The following TIAM1 variants were observed in gnomAD, a reference collection of about 807,000 sequenced individuals.
The protein encoded by TIAM1 is TIAM Rac1 associated GEF 1, also known as rho guanine nucleotide exchange factor TIAM1.
A neutral mutation model predicts 163.5 loss-of-function variants in TIAM1; 65 were observed. The ratio of observed to expected loss-of-function variants is 0.40; its 90% CI spans 0.33 to 0.49. TIAM1 has a LOEUF of 0.49. Ranked by LOEUF, TIAM1 falls within the 20% of genes least tolerant of loss-of-function variation. The pLI is 0.77. For missense variants in TIAM1, 1,789 were observed against 2,044.7 expected (o/e 0.87, Z 2.41); for synonymous variants, 833 against 810.1 (o/e 1.03, Z -0.48).
At chr21:31,499,930 G>C (rs1393077761) in intron 1 of TIAM1, among the ~76,000 whole-genome samples, 1 of 151,992 alleles carries the variant, frequency 6.6e-6, no homozygotes, top group Non-Finnish European at 1.5e-5. Flanking sequence ...CACTTTGGGA[G>C]GTCAAGGCGG....
intron 1 of TIAM1, among the ~76,000 whole-genome samples, chr21:31,482,060 A>AGT (rs10523425): frequency 0.074 from 10,728 of 145,598 alleles, 480 homozygotes; most frequent in Middle Eastern, 0.13. Flanking sequence ...ACTGGGACAA[A>AGT]GTGTGTGTGT....
intron 1 of TIAM1, among the ~76,000 whole-genome samples, chr21:31,536,172 C>T (rs2048128590): frequency 6.6e-6 from 1 of 152,190 alleles, no homozygotes; most frequent in Non-Finnish European, 1.5e-5. Flanking sequence ...TCGGCTCATT[C>T]ACTCCTCACA....
Position 31,266,907 on chromosome 21 carries a change from C to T in TIAM1, c.66G>A (p.Gly22=). The change falls in exon 4 of 28, where the codon GGG becomes GGA. Residue 22 remains glycine (G), a synonymous_variant. Transcript: ENST00000541036. The part of the protein sequence containing the change: ...EFYGEKHASL[G]RKHTSRSLRL... ...GCAGGGAGCGGGAAGTGTGCTTGCG[C>T]CCCAGGCTGGCATGCTTTTCTCCAT... The T allele has an allele frequency of 6.2e-7, 1 of 1,612,408 alleles. No individual in the cohort carries two copies. Among genetic ancestry groups the T allele is most frequent in the Non-Finnish European group, 8.5e-7 (1 of 1,178,768 alleles).
rs1448740598 is a variant in TIAM1 at position 31,181,786 on chromosome 21, T to C, written c.2887+635A>G. Among the ~76,000 whole-genome samples, 115 of 83,990 alleles carry C rather than the reference T, an allele frequency of 1.4e-3. 3 individuals carry two copies. Among genetic ancestry groups the C allele is most frequent in the Non-Finnish European group, 2.0e-3 (92 of 46,212 alleles). 55.1% of individuals were successfully genotyped at this position (83,990 alleles called of 152,430 possible). A position where few individuals can be genotyped will look rare whatever the true frequency, so the allele number is the denominator to read the frequency against. ...TTTTTTTTTTTTTTTTTTTTTTTTT[T>C]TTTTTTTTTTTTTTTTTTTACGAGA... is the stretch of plus-strand genomic sequence containing the variant. On this transcript the variant is annotated intron_variant, in intron 15 of 27. Transcript: ENST00000541036.
intron 1 of TIAM1, among the ~76,000 whole-genome samples, chr21:31,340,779 T>C (rs942131063): frequency 6.6e-6 from 1 of 151,072 alleles, no homozygotes; most frequent in Non-Finnish European, 1.5e-5. Flanking sequence ...ATTTCATTTT[T>C]ACACTAAAGG....
chr21:31,263,725 T>C (rs1184614466), intron 4 of TIAM1, among the ~76,000 whole-genome samples: 2 of 152,124 alleles, frequency 1.3e-5, no homozygotes, highest in African/African-American at 4.8e-5. Context: ...AACTGAGCAC[T>C]GTTCAGGTAG....
intron 15 of TIAM1, among the ~76,000 whole-genome samples, chr21:31,169,815 T>C (rs1053986644): frequency 6.6e-6 from 1 of 151,948 alleles, no homozygotes; most frequent in African/African-American, 2.4e-5. Context: ...GTGGAAGTGA[T>C]TATATTTAAA....
chr21:31,306,643 TGTG>T (rs2074721878), intron 2 of TIAM1, among the ~76,000 whole-genome samples: 1 of 152,124 alleles, frequency 6.6e-6, no homozygotes, highest in Non-Finnish European at 1.5e-5. Flanking sequence ...AACGATCCAA[TGTG>T]GAGTGAATCG....
At chr21:31,446,650 C>G (rs528073747) in intron 2 of TIAM1, among the ~76,000 whole-genome samples, 1 of 152,088 alleles carries the variant, frequency 6.6e-6, no homozygotes, top group African/African-American at 2.4e-5. Context: ...CCTGACATAA[C>G]GATGGGAGAC....
chr21:31,406,273 G>T (rs1311505283), intron 2 of TIAM1, among the ~76,000 whole-genome samples: 3 of 151,730 alleles, frequency 2.0e-5, no homozygotes, highest in African/African-American at 7.3e-5. Flanking sequence ...AAACTTTTGA[G>T]AACTTTAATA....
chr21:31,187,357 C>T (rs1335712802), intron 13 of TIAM1, among the ~76,000 whole-genome samples: 1 of 152,172 alleles, frequency 6.6e-6, no homozygotes, highest in Non-Finnish European at 1.5e-5. Context: ...TTTAATCTTG[C>T]TTCCTGGTAA....
intron 1 of TIAM1, among the ~76,000 whole-genome samples, chr21:31,472,482 G>A (rs756968105): frequency 6.6e-6 from 1 of 152,116 alleles, no homozygotes; most frequent in Non-Finnish European, 1.5e-5. Context: ...AGCCGAGATC[G>A]TGCCACTGCA....
chr21:31,497,519 C>T (rs1175794799), intron 1 of TIAM1, among the ~76,000 whole-genome samples: 2 of 152,110 alleles, frequency 1.3e-5, no homozygotes, highest in Non-Finnish European at 2.9e-5. Flanking sequence ...AGATAAGAAA[C>T]TGGTACCATT....
At chr21:31,198,111 A>G (rs2085977754) in intron 12 of TIAM1, among the ~76,000 whole-genome samples, 1 of 152,242 alleles carries the variant, frequency 6.6e-6, no homozygotes, top group South Asian at 2.1e-4. Flanking sequence ...CAATAACAAA[A>G]AACGTGGCCG....
intron 2 of TIAM1, among the ~76,000 whole-genome samples, chr21:31,282,364 G>C (rs2073605936): frequency 6.6e-6 from 1 of 152,222 alleles, no homozygotes; most frequent in South Asian, 2.1e-4. Context: ...TCAGCAGCAA[G>C]CAGCCGTCTT....
intron 2 of TIAM1, among the ~76,000 whole-genome samples, chr21:31,455,303 C>T (rs1272778322): frequency 6.8e-6 from 1 of 147,086 alleles, no homozygotes; most frequent in Non-Finnish European, 1.5e-5. Flanking sequence ...AAAAAAAAGA[C>T]CCTAGAACAT....
chr21:31,404,937 T>C (rs1034866839), intron 2 of TIAM1, among the ~76,000 whole-genome samples: 16 of 152,296 alleles, frequency 1.1e-4, no homozygotes, highest in Admixed American at 6.5e-4. Flanking sequence ...ATTTTGATAT[T>C]GGCCCTTAAA....
intron 13 of TIAM1, among the ~76,000 whole-genome samples, chr21:31,192,455 A>G (rs1288383753): frequency 1.3e-5 from 2 of 152,104 alleles, no homozygotes; most frequent in African/African-American, 4.8e-5. Flanking sequence ...CGTCTCTTCT[A>G]AAAGTACAAA....
intron 2 of TIAM1, among the ~76,000 whole-genome samples, chr21:31,427,397 G>T (rs1313748414): frequency 1.3e-5 from 2 of 152,124 alleles, no homozygotes; most frequent in African/African-American, 4.8e-5. Flanking sequence ...TGAGGCAGGA[G>T]AATGGCGTGA....
Sources: gnomAD v4.1 joint callset for allele counts (sites outside exome capture counted in the v4.1 genomes callset) on GRCh38, gnomAD v4.1.1 for gene constraint, MANE v1.5 for transcripts, NCBI Gene and HGNC (gene_info 2026-07-23, HGNC 2026-07-21) for gene names.